The following RGR variants were observed in gnomAD, a reference collection of about 807,000 sequenced individuals.
RGR encodes retinal G protein coupled receptor, also known as RPE-retinal G protein-coupled receptor.
A neutral mutation model predicts 28.6 loss-of-function variants in RGR; 30 were observed. That is an observed-to-expected ratio of 1.05 (90% CI 0.78 to 1.42). The LOEUF (loss-of-function observed/expected upper bound fraction) is 1.42, where lower values mean the gene tolerates loss of function less well. Ranked by LOEUF, RGR falls within the 40% of genes most tolerant of loss-of-function variation. The pLI is 0.00. For synonymous variants in RGR, 180 were observed against 156.4 expected, an observed-to-expected ratio of 1.15 and a Z score of -1.13; for missense variants, 404 against 375.6, an observed-to-expected ratio of 1.08 and a Z score of -0.62.
chr10:84,257,956 C>A lies in RGR; in HGVS notation c.694C>A (p.Leu232Ile). The change falls in exon 6 of 7, where the codon CTA (leucine) becomes ATA (isoleucine). Residue 232 changes from leucine to isoleucine, a missense_variant. Physicochemically the swap from Leu to Ile is conservative, Grantham distance 5. Coordinates refer to ENST00000652092, the MANE Select transcript of RGR (RefSeq NM_001012720.2). ...CTGGGGCCCCTATGCCATCCTGTAT[C>A]TATACGCAGTCATCGCAGACGTGAC... is the stretch of plus-strand genomic sequence containing the variant. Reference protein sequence around the residue: ...LGWGPYAILYLYAVIADVTSI... With the variant: ...LGWGPYAILYIYAVIADVTSI... 3 of 1,614,214 alleles carry A rather than the reference C, an allele frequency of 1.9e-6. No individual in the cohort carries two copies. The highest frequency in any genetic ancestry group is 2.5e-6 in the Non-Finnish European group (3 of 1,180,040).
intron 1 of RGR, among the ~76,000 whole-genome samples, chr10:84,247,147 G>A (rs142472705): frequency 2.8e-3 from 426 of 152,208 alleles, no homozygotes; most frequent in African/African-American, 9.8e-3. Flanking sequence ...CATGCCTGGC[G>A]TCCTGGGCAG....
At chr10:84,257,334 TG>T (rs1842900974) in intron 5 of RGR, among the ~76,000 whole-genome samples, 1 of 152,140 alleles carries the variant, frequency 6.6e-6, no homozygotes, top group African/African-American at 2.4e-5. Context: ...TCTCGCCGGG[TG>T]GCTGTAGCTG....
chr10:84,245,697 C>T (rs1446034381), intron 1 of RGR, among the ~76,000 whole-genome samples: 1 of 152,160 alleles, frequency 6.6e-6, no homozygotes, highest in Non-Finnish European at 1.5e-5. Context: ...CCTAAATAGA[C>T]TCTAGGGTAT....
In RGR at chr10:84,252,935, C is replaced by A. The variant is rs368354244; in HGVS notation, c.437C>A (p.Pro146His). The change falls in exon 4 of 7, where the codon CCC becomes CAC. Residue 146 changes from proline (P) to histidine (H), a missense_variant. By Grantham distance (77) the Pro-to-His change is moderately conservative. Coordinates refer to ENST00000652092, the MANE Select transcript of RGR (RefSeq NM_001012720.2). ...TCTTCTGCCTTCTGGGCAGCTCTGCCCCTTCTGGGTTGGGGTCACTACGAC... is the reference window on the plus strand; with the variant it reads ...TCTTCTGCCTTCTGGGCAGCTCTGCACCTTCTGGGTTGGGGTCACTACGAC... Reference protein sequence around the residue: ...WLSSAFWAALPLLGWGHYDYE... With the variant: ...WLSSAFWAALHLLGWGHYDYE... 1 of 1,613,962 alleles carries A rather than the reference C, an allele frequency of 6.2e-7. No individual in the cohort carries two copies. Among genetic ancestry groups the A allele is most frequent in the African/African-American group, 1.3e-5 (1 of 74,892 alleles).
At chr10:84,251,881 G>A (rs931236651) in intron 3 of RGR, among the ~76,000 whole-genome samples, 1 of 152,174 alleles carries the variant, frequency 6.6e-6, no homozygotes, top group Non-Finnish European at 1.5e-5. Context: ...TCACATCCAA[G>A]CAAACTCCAT....
rs769982688 is a variant in RGR at position 84,254,415 on chromosome 10, A to G, written c.602A>G (p.Gln201Arg). The change falls in exon 5 of 7, where the codon CAG becomes CGG. Residue 201 changes from glutamine to arginine, a missense_variant. Gln to Arg is a conservative substitution (Grantham distance 43). Transcript: ENST00000652092. ...ATCACTTCCTACAGTCTCATGGAGC[A>G]GAAACTGGGGAAGAGTGGCCATCTC... The part of the protein sequence containing the change: ...ITITSYSLME[Q>R]KLGKSGHLQV... 1 of 1,614,200 alleles carries G rather than the reference A, an allele frequency of 6.2e-7. No individual in the cohort carries two copies. Among genetic ancestry groups the G allele is most frequent in the South Asian group, 1.1e-5 (1 of 91,082 alleles).
At chr10:84,250,776 A>C in intron 3 of RGR, 1 of 277,436 alleles carries the variant, frequency 3.6e-6, no homozygotes, top group South Asian at 6.4e-5. Flanking sequence ...AGTCTGAGGC[A>C]GCACAATGGT....
At chr10:84,251,431 C>G (rs749739982) in intron 3 of RGR, among the ~76,000 whole-genome samples, 1 of 152,114 alleles carries the variant, frequency 6.6e-6, no homozygotes, top group African/African-American at 2.4e-5. Context: ...CTGGGAAGTC[C>G]AAATGCGAGG....
intron 5 of RGR, among the ~76,000 whole-genome samples, chr10:84,257,006 G>A (rs1842896897): frequency 6.6e-6 from 1 of 151,150 alleles, no homozygotes. Flanking sequence ...CCAAATAAGG[G>A]ACAGTTAAGA....
At position 84,249,090 on chromosome 10, in the gene RGR, A is replaced by G. The variant is rs536849479; in HGVS notation, c.358+47A>G. 5.0e-6 allele frequency: 8 copies of G among 1,607,684 alleles called. No homozygotes were observed. In the African/African-American group the frequency reaches 1.1e-4, roughly 21 times the overall value. On this transcript the variant is annotated intron_variant, in intron 3 of 6. Coordinates refer to ENST00000652092, the MANE Select transcript of RGR (RefSeq NM_001012720.2). ...GTGGAGGGACACCGATGCAGTGTGGAGAGGATAAGAGGCAGGGAGGGGCAG... is the reference window on the plus strand; with the variant it reads ...GTGGAGGGACACCGATGCAGTGTGGGGAGGATAAGAGGCAGGGAGGGGCAG...
intron 1 of RGR, 56 bp downstream of exon 1, chr10:84,245,225 G>T (rs1203056125): frequency 2.1e-5 from 33 of 1,553,438 alleles, no homozygotes; most frequent in Non-Finnish European, 7.1e-6. Context: ...TGAGGACCCA[G>T]GCCACCAGTG....
intron 3 of RGR, chr10:84,250,370 T>C (rs1395212572): frequency 1.4e-6 from 1 of 717,448 alleles, no homozygotes; most frequent in Admixed American, 2.0e-5. Flanking sequence ...TCTCCTGTCA[T>C]ATGCCTCTCT....
intron 2 of RGR, 93 bp downstream of exon 2, chr10:84,247,840 A>G: frequency 6.3e-7 from 1 of 1,584,960 alleles, no homozygotes; most frequent in Non-Finnish European, 8.6e-7. Flanking sequence ...CATTTTTACT[A>G]CTTACAGAAA....
intron 5 of RGR, among the ~76,000 whole-genome samples, chr10:84,257,163 C>T (rs1042423890): frequency 3.9e-5 from 6 of 152,194 alleles, no homozygotes; most frequent in African/African-American, 1.2e-4. Flanking sequence ...ATTGCACGTC[C>T]GCGTGTTTGT....
intron 5 of RGR, 36 bp from the exon 6 acceptor site, chr10:84,257,857 A>G: frequency 1.3e-6 from 2 of 1,597,008 alleles, no homozygotes; most frequent in Non-Finnish European, 1.7e-6. Context: ...GGCCACCTGG[A>G]GCAAGCTGAC....
At chr10:84,251,522 G>C (rs1375804005) in intron 3 of RGR, among the ~76,000 whole-genome samples, 1 of 152,174 alleles carries the variant, frequency 6.6e-6, no homozygotes, top group Non-Finnish European at 1.5e-5. Context: ...CACATTAAAA[G>C]AGAGAGATTG....
In RGR at chr10:84,252,906, G is replaced by T; in HGVS notation, c.408G>T (p.Trp136Cys). Reference sequence around the variant, plus strand: ...CCGTCTCTCTGGTGCTCTTCGTGTGGCTGTCTTCTGCCTTCTGGGCAGCTC... The same window carrying T: ...CCGTCTCTCTGGTGCTCTTCGTGTGTCTGTCTTCTGCCTTCTGGGCAGCTC... The part of the protein sequence containing the change: ...NSAVSLVLFV[W>C]LSSAFWAALP... The change falls in exon 4 of 7, where the codon TGG becomes TGT. Residue 136 changes from tryptophan to cysteine, a missense_variant. Transcript: ENST00000652092. 1 of 1,614,068 alleles carries T rather than the reference G, an allele frequency of 6.2e-7. No homozygotes were observed. The highest frequency in any genetic ancestry group is 1.1e-5 in the South Asian group (1 of 91,082).
At position 84,258,981 on chromosome 10, in the gene RGR, T is replaced by C; in HGVS notation, c.*342T>C. 2.7e-6 allele frequency: 1 copy of C among 364,280 alleles called. No homozygotes were observed. 22.6% of individuals were successfully genotyped at this position (364,280 alleles called of 1,614,324 possible). ...GCTTTTAGTGTAACCATCACCCTAA[T>C]AATATACGTTGTACCCATTAAGTTA... On this transcript the variant is annotated 3_prime_UTR_variant, in exon 7 of 7. Coordinates refer to ENST00000652092, the MANE Select transcript of RGR (RefSeq NM_001012720.2).
At position 84,249,493 on chromosome 10, in the gene RGR, A is replaced by G. The variant is rs186483377; in HGVS notation, c.358+450A>G. Among the ~76,000 whole-genome samples, 827 of 152,164 alleles carry G rather than the reference A, an allele frequency of 5.4e-3. 8 individuals are homozygous for G. The highest frequency in any genetic ancestry group is 0.019 in the African/African-American group (808 of 41,482). Reference sequence around the variant, plus strand: ...ACACCTGGCTAATTTTTGTATTTTTAGTAGAGATGGGGTTTCACCATATTG... The same window carrying G: ...ACACCTGGCTAATTTTTGTATTTTTGGTAGAGATGGGGTTTCACCATATTG... On this transcript the variant is annotated intron_variant, in intron 3 of 6. Transcript: ENST00000652092.
Sources: allele counts gnomAD v4.1 joint callset (sites outside exome capture counted in the v4.1 genomes callset), GRCh38; gene constraint gnomAD v4.1.1; transcripts MANE v1.5; gene names NCBI Gene and HGNC (gene_info 2026-07-23, HGNC 2026-07-21).